The following SLC25A12 variants were observed in gnomAD, a reference collection of about 807,000 sequenced individuals.
SLC25A12 encodes the protein solute carrier family 25 member 12.
A neutral mutation model predicts 83.3 loss-of-function variants in SLC25A12; 32 were observed. That is an observed-to-expected ratio of 0.38 (90% CI 0.29 to 0.52). SLC25A12 has a LOEUF of 0.52. Among genes scored for constraint, SLC25A12 ranks in the 20% least tolerant of loss-of-function variants. The probability of loss-of-function intolerance (pLI) is 0.84; values close to 1 mark genes in which losing one functional copy is unlikely to be tolerated. For missense variants in SLC25A12, 611 were observed against 835.6 expected, an observed-to-expected ratio of 0.73 and a Z score of 3.31; for synonymous variants, 267 against 291.1, an observed-to-expected ratio of 0.92 and a Z score of 0.84.
chr2:171,839,460 G>A (rs1460585810), intron 5 of SLC25A12, among the ~76,000 whole-genome samples: 1 of 152,164 alleles, frequency 6.6e-6, no homozygotes, highest in African/African-American at 2.4e-5. Context: ...ATGCTGAAGG[G>A]AAAGATCCTA....
intron 15 of SLC25A12, among the ~76,000 whole-genome samples, chr2:171,790,713 T>A (rs531292829): frequency 3.6e-5 from 5 of 138,248 alleles, no homozygotes; most frequent in Admixed American, 2.1e-4. Context: ...AAAAGACAAA[T>A]TTTTTTTTTT....
At position 171,796,645 on chromosome 2, in the gene SLC25A12, T is replaced by A. The variant is rs556160747; in HGVS notation, c.1306-2878A>T. Among the ~76,000 whole-genome samples the A allele has an allele frequency of 4.8e-5, 7 of 145,474 alleles. No homozygotes were observed. The South Asian group carries it at 1.5e-3, about 32-fold the overall frequency. On this transcript the variant is annotated intron_variant, in intron 13 of 17. Transcript: ENST00000422440. ...GGAGCAAGACCCCTATCTCTTAAAA[T>A]TTTTTTTTTTTTAGTAATTAGTATA...
chr2:171,834,165 C>A, intron 7 of SLC25A12, 109 bp from the exon 8 acceptor site: 2 of 684,582 alleles, frequency 2.9e-6, no homozygotes, highest in South Asian at 3.3e-5. Context: ...ATTTTAGTAT[C>A]ATTTTTAAAA....
chr2:171,816,516 G>A (rs1194940125), intron 9 of SLC25A12, among the ~76,000 whole-genome samples: 3 of 151,842 alleles, frequency 2.0e-5, no homozygotes, highest in Non-Finnish European at 2.9e-5. Context: ...CTAATATAAG[G>A]TAAATAAGAT....
chr2:171,873,118 A>C (rs1685491691), intron 2 of SLC25A12, among the ~76,000 whole-genome samples: 1 of 152,166 alleles, frequency 6.6e-6, no homozygotes, highest in African/African-American at 2.4e-5. Context: ...AGAAGAACTA[A>C]CTTCGAACAG....
intron 13 of SLC25A12, among the ~76,000 whole-genome samples, chr2:171,800,494 A>C (rs955932542): frequency 6.6e-6 from 1 of 152,246 alleles, no homozygotes; most frequent in African/African-American, 2.4e-5. Context: ...ACATTAGTGA[A>C]GATGTGGAAC....
intron 2 of SLC25A12, among the ~76,000 whole-genome samples, chr2:171,876,592 C>A (rs1405953501): frequency 6.7e-6 from 1 of 148,904 alleles, no homozygotes; most frequent in Non-Finnish European, 1.5e-5. Flanking sequence ...TCCTGAGTAG[C>A]TGGGACCACA....
intron 4 of SLC25A12, among the ~76,000 whole-genome samples, chr2:171,851,850 A>AT (rs1684941243): frequency 1.3e-5 from 2 of 152,074 alleles, no homozygotes; most frequent in African/African-American, 4.8e-5. Context: ...TTCAATTTGG[A>AT]TTTTAAATGC....
chr2:171,785,405 T>C lies in SLC25A12; in HGVS notation c.1906A>G (p.Ile636Val), dbSNP rs1291268470. ...GCTGTGGCGAGTCTGTATCCACCGA[T>C]GTGATCAGGGTTGGCAGGAGGAAGG... ...ADLPPANPDH[I>V]GGYRLATATF... Residue 636 changes from isoleucine to valine, a missense_variant, in exon 18 of 18, where the codon ATC becomes GTC. Physicochemically the swap from Ile to Val is conservative, Grantham distance 29. Transcript: ENST00000422440. 1.9e-6 allele frequency: 3 copies of C among 1,614,082 alleles called. No homozygotes were observed. The highest frequency in any genetic ancestry group is 2.2e-5 in the East Asian group (1 of 44,898).
chr2:171,886,270 A>T (rs1363407947), intron 2 of SLC25A12, among the ~76,000 whole-genome samples: 3 of 133,474 alleles, frequency 2.2e-5, no homozygotes, highest in Non-Finnish European at 4.6e-5. Flanking sequence ...TCACTCTGTC[A>T]CTCAGGCTGG....
intron 3 of SLC25A12, among the ~76,000 whole-genome samples, chr2:171,860,463 A>G (rs185578761): frequency 8.4e-4 from 128 of 152,194 alleles, no homozygotes; most frequent in African/African-American, 2.9e-3. Context: ...TTAGCCTGGC[A>G]TAGTGGCACA....
In SLC25A12 at chr2:171,834,791, C is replaced by T; in HGVS notation, c.687G>A (p.Met229Ile). ...FNAFNSLLNN[M>I]ELVRKIYSTL... ...TGCTATATATCTTACGAACAAGCTCCATGTTATTCAGTAACGAGTTAAATG... is the reference window on the plus strand; with the variant it reads ...TGCTATATATCTTACGAACAAGCTCTATGTTATTCAGTAACGAGTTAAATG... The change falls in exon 7 of 18, where the codon ATG becomes ATA. Residue 229 changes from methionine (M) to isoleucine (I), a missense_variant. By Grantham distance (10) the Met-to-Ile change is conservative. Transcript: ENST00000422440. 1 of 1,613,952 alleles carries T rather than the reference C, an allele frequency of 6.2e-7. No homozygotes were observed. The highest frequency in any genetic ancestry group is 8.5e-7 in the Non-Finnish European group (1 of 1,179,940).
chr2:171,859,957 G>A (rs1022752168), intron 3 of SLC25A12, among the ~76,000 whole-genome samples: 4 of 151,958 alleles, frequency 2.6e-5, no homozygotes, highest in East Asian at 3.9e-4. Context: ...TAGTAAAAAC[G>A]GGGTTCCACC....
intron 13 of SLC25A12, among the ~76,000 whole-genome samples, chr2:171,806,501 A>C (rs1683833879): frequency 6.6e-6 from 1 of 152,196 alleles, no homozygotes; most frequent in Non-Finnish European, 1.5e-5. Flanking sequence ...AAAACAAAAC[A>C]TACAACAACA....
At chr2:171,810,489 C>T (rs1013061940) in intron 11 of SLC25A12, among the ~76,000 whole-genome samples, 5 of 152,170 alleles carry the variant, frequency 3.3e-5, no homozygotes, top group African/African-American at 4.8e-5. Context: ...GGCTATAAAT[C>T]CTCTTCTTAA....
intron 2 of SLC25A12, among the ~76,000 whole-genome samples, chr2:171,885,497 T>C (rs1685799545): frequency 1.3e-5 from 2 of 151,888 alleles, no homozygotes; most frequent in African/African-American, 2.4e-5. Context: ...CTGACCAAGA[T>C]GGTGAAACCC....
chr2:171,874,150 C>T (rs559462789), intron 2 of SLC25A12, among the ~76,000 whole-genome samples: 1 of 152,244 alleles, frequency 6.6e-6, no homozygotes, highest in African/African-American at 2.4e-5. Context: ...CGCTTGAACC[C>T]GGGAGGCGGA....
intron 1 of SLC25A12, 128 bp downstream of exon 1, chr2:171,894,075 G>A: frequency 7.7e-7 from 1 of 1,303,152 alleles, no homozygotes. Context: ...CCCGCAGCAA[G>A]CCGGAGCCCC....
Position 171,893,155 on chromosome 2 carries a change from G to A in SLC25A12, c.66+50C>T, listed in dbSNP as rs1209796811. 3 of 1,447,104 alleles carry A rather than the reference G, an allele frequency of 2.1e-6. No individual in the cohort carries two copies. The Admixed American group carries it at 5.0e-5, about 24-fold the overall frequency. 89.6% of individuals were successfully genotyped at this position (1,447,104 alleles called of 1,614,324 possible). On this transcript the variant is annotated intron_variant, in intron 2 of 17. Coordinates refer to ENST00000422440, the MANE Select transcript of SLC25A12 (RefSeq NM_003705.5). ...AAGGCATGAATAGGACTAAGGACAT[G>A]TACGTTTTTTGTTTTTGCAATGAAA...
Sources: gnomAD v4.1 joint callset for allele counts (sites outside exome capture counted in the v4.1 genomes callset) on GRCh38, gnomAD v4.1.1 for gene constraint, MANE v1.5 for transcripts, NCBI Gene and HGNC (gene_info 2026-07-23, HGNC 2026-07-21) for gene names.